Variants in IL1RAPL2 observed in about 807,000 individuals in gnomAD.
The protein encoded by IL1RAPL2 is interleukin 1 receptor accessory protein like 2, also known as X-linked interleukin-1 receptor accessory protein-like 2.
Under a neutral mutation model 44.1 loss-of-function variants are expected in IL1RAPL2, and 3 were observed. The observed-to-expected ratio is 0.07, with a 90% CI of 0.03 to 0.18. The LOEUF is 0.18. IL1RAPL2 is among the 10% of genes least tolerant of loss of function. The probability of loss-of-function intolerance (pLI) is 1.00; values close to 1 mark genes in which losing one functional copy is unlikely to be tolerated. For synonymous variants in IL1RAPL2, 181 were observed against 178.8 expected, an observed-to-expected ratio of 1.01 and a Z score of -0.10; for missense variants, 391 against 496.4, an observed-to-expected ratio of 0.79 and a Z score of 2.02.
chrX:104,747,877 G>T (rs1481058745), intron 2 of IL1RAPL2, among the ~76,000 whole-genome samples: 1 of 111,613 alleles, frequency 9.0e-6, no homozygotes, highest in Admixed American at 9.5e-5. Flanking sequence ...TTATCATTGA[G>T]TGCAAACTTC....
intron 2 of IL1RAPL2, among the ~76,000 whole-genome samples, chrX:105,068,761 G>A (rs1035946270): frequency 3.6e-5 from 4 of 111,898 alleles, no homozygotes; most frequent in South Asian, 3.7e-4. Flanking sequence ...TTCTAAAAAG[G>A]TAGTCTATTT....
chrX:104,766,392 TG>T (rs1932554274), intron 2 of IL1RAPL2, among the ~76,000 whole-genome samples: 1 of 110,982 alleles, frequency 9.0e-6, no homozygotes, highest in African/African-American at 3.3e-5. Context: ...CCTGCCTGCC[TG>T]CCTGCCTGCC....
intron 2 of IL1RAPL2, among the ~76,000 whole-genome samples, chrX:105,041,976 A>G (rs2147759800): frequency 9.0e-6 from 1 of 110,738 alleles, no homozygotes; most frequent in Non-Finnish European, 1.9e-5. Flanking sequence ...AGAAATGGGG[A>G]AAGGATTCCC....
chrX:105,641,555 G>A (rs759788534), intron 6 of IL1RAPL2, among the ~76,000 whole-genome samples: 2 of 111,512 alleles, frequency 1.8e-5, no homozygotes, highest in Admixed American at 9.6e-5. Context: ...TGTGAACTAA[G>A]GTAATGACAG....
intron 2 of IL1RAPL2, among the ~76,000 whole-genome samples, chrX:104,762,594 C>T (rs1932482008): frequency 8.9e-6 from 1 of 112,789 alleles, no homozygotes; most frequent in Non-Finnish European, 1.9e-5. Context: ...AGCTCTGACC[C>T]CACATTTCCC....
intron 1 of IL1RAPL2, chrX:104,647,395 CT>C: frequency 3.6e-6 from 2 of 561,943 alleles, no homozygotes; most frequent in East Asian, 3.4e-5. Context: ...GCTGCTCAGC[CT>C]TTTCCACCAC....
chrX:105,318,059 G>T lies in IL1RAPL2; in HGVS notation c.697+50518G>T, dbSNP rs768702441. 1.6e-4 allele frequency among the ~76,000 whole-genome samples: 17 copies of T among 106,898 alleles called. No homozygotes were observed. In the East Asian group the frequency reaches 4.7e-3, roughly 30 times the overall value. The allele number at this position is 106,898 out of a possible 115,157, so 92.8% of individuals were successfully genotyped here. On this transcript the variant is annotated intron_variant, in intron 5 of 10. Transcript: ENST00000372582. ...GCGATCTCGGCTCACTGCAAGCTCC[G>T]CCTCCCGGGTTCACGCCATTCTCCT...
chrX:105,003,968 C>G (rs1323311030), intron 2 of IL1RAPL2, among the ~76,000 whole-genome samples: 1 of 111,468 alleles, frequency 9.0e-6, no homozygotes, highest in Non-Finnish European at 1.9e-5. Context: ...TGGCTTTTCT[C>G]CAATTTTATT....
At chrX:104,647,566 C>T in intron 1 of IL1RAPL2, 2 of 512,814 alleles carry the variant, frequency 3.9e-6, no homozygotes, top group Non-Finnish European at 7.1e-6. Context: ...GCCTGGAGAG[C>T]AGCTCTCTCT....
rs778799497 is a variant in IL1RAPL2 at position 104,659,011 on chromosome X, CT to C, written c.82+18del. 4.4e-4 allele frequency: 500 copies of C among 1,148,939 alleles called. 1 individual carries two copies. The highest frequency in any genetic ancestry group is 2.1e-3 in the Middle Eastern group (9 of 4,200). 94.7% of individuals were successfully genotyped at this position (1,148,939 alleles called of 1,213,427 possible). On this transcript the variant is annotated intron_variant, in intron 2 of 10. Coordinates refer to ENST00000372582, the MANE Select transcript of IL1RAPL2 (RefSeq NM_017416.2). The stretch of plus-strand genomic sequence containing the variant: ...AGAAATTCTGGTAAGTTGCTGGCAA[CT>C]TGCCACTATTTGGTCAAAAATGTAC...
At chrX:104,839,183 G>A (rs183229546) in intron 2 of IL1RAPL2, among the ~76,000 whole-genome samples, 2 of 110,291 alleles carry the variant, frequency 1.8e-5, no homozygotes, top group South Asian at 7.7e-4. Context: ...ACTAGATTTT[G>A]TTCATTCAGT....
At position 104,911,673 on chromosome X, in the gene IL1RAPL2, T is replaced by G. The variant is rs140278882; in HGVS notation, c.82+252678T>G. On this transcript the variant is annotated intron_variant, in intron 2 of 10. Coordinates refer to ENST00000372582, the MANE Select transcript of IL1RAPL2 (RefSeq NM_017416.2). Reference sequence around the variant, plus strand: ...CGTTCCTGCATCAAAATTCTCTAAATATTTTCCATGATGTATAGAATAGAA... The same window carrying G: ...CGTTCCTGCATCAAAATTCTCTAAAGATTTTCCATGATGTATAGAATAGAA... Among the ~76,000 whole-genome samples, 975 of 111,669 alleles carry G rather than the reference T, an allele frequency of 8.7e-3. 5 individuals carry two copies. The highest frequency in any genetic ancestry group is 0.015 in the Admixed American group (160 of 10,475).
intron 6 of IL1RAPL2, among the ~76,000 whole-genome samples, chrX:105,633,935 CTTTAT>C (rs2037507402): frequency 9.0e-6 from 1 of 110,883 alleles, no homozygotes; most frequent in Non-Finnish European, 1.9e-5. Flanking sequence ...TAACCAATAC[CTTTAT>C]TTTATGATTT....
chrX:104,704,403 T>A (rs921108944), intron 2 of IL1RAPL2, among the ~76,000 whole-genome samples: 1 of 111,347 alleles, frequency 9.0e-6, no homozygotes. Flanking sequence ...TCCACAGTAC[T>A]TGGGGTGAGT....
intron 1 of IL1RAPL2, among the ~76,000 whole-genome samples, chrX:104,613,848 G>C (rs1307149013): frequency 2.4e-5 from 1 of 41,385 alleles, no homozygotes; most frequent in South Asian, 1.2e-3. Context: ...TTTTTATTTT[G>C]ATTACTAACT....
chrX:104,744,766 G>A (rs1932146933), intron 2 of IL1RAPL2, among the ~76,000 whole-genome samples: 1 of 110,357 alleles, frequency 9.1e-6, no homozygotes, highest in Admixed American at 9.7e-5. Flanking sequence ...TCTTTATCTA[G>A]ATTTTATTAT....
At chrX:104,587,056 A>C (rs909324252) in intron 1 of IL1RAPL2, among the ~76,000 whole-genome samples, 2 of 111,406 alleles carry the variant, frequency 1.8e-5, no homozygotes, top group African/African-American at 6.5e-5. Flanking sequence ...TTTAAGATGT[A>C]GGTGCCCTAA....
intron 2 of IL1RAPL2, among the ~76,000 whole-genome samples, chrX:104,866,085 A>T (rs987562297): frequency 7.1e-5 from 8 of 112,016 alleles, no homozygotes; most frequent in Non-Finnish European, 1.9e-5. Context: ...TCCAGTGGCT[A>T]TTGAATGGAT....
At chrX:105,538,202 A>G (rs1438715366) in intron 6 of IL1RAPL2, among the ~76,000 whole-genome samples, 1 of 108,219 alleles carries the variant, frequency 9.2e-6, no homozygotes, top group Non-Finnish European at 1.9e-5. Context: ...ACGCCCGGCT[A>G]ATTTTTTGTA....
Sources: allele counts gnomAD v4.1 joint callset (sites outside exome capture counted in the v4.1 genomes callset), GRCh38; gene constraint gnomAD v4.1.1; transcripts MANE v1.5; gene names NCBI Gene and HGNC (gene_info 2026-07-23, HGNC 2026-07-21).